Variants in GRIK1 observed in about 807,000 individuals in gnomAD.
The protein encoded by GRIK1 is glutamate receptor ionotropic, kainate 1.
GRIK1 carries 69 observed loss-of-function variants against 105.7 expected under a neutral mutation model. The ratio of observed to expected loss-of-function variants is 0.65; its 90% CI spans 0.54 to 0.80. The LOEUF (loss-of-function observed/expected upper bound fraction) is 0.80, where lower values mean the gene tolerates loss of function less well. Ranked by LOEUF, GRIK1 falls within the 30% of genes least tolerant of loss-of-function variation. The pLI is 0.00. For synonymous variants in GRIK1, 438 were observed against 431.3 expected (o/e 1.02, Z -0.19); for missense variants, 1,109 against 1,167.3 (o/e 0.95, Z 0.73).
intron 1 of GRIK1, among the ~76,000 whole-genome samples, chr21:29,825,022 G>A (rs905159501): frequency 2.1e-4 from 32 of 152,078 alleles, no homozygotes; most frequent in African/African-American, 3.1e-4. Context: ...ATAGGAAAAT[G>A]TTTAATATAT....
intron 3 of GRIK1, among the ~76,000 whole-genome samples, chr21:29,681,156 T>C (rs2063367028): frequency 6.6e-6 from 1 of 152,124 alleles, no homozygotes; most frequent in African/African-American, 2.4e-5. Flanking sequence ...AAGAAAAAAG[T>C]AAACATAGTA....
intron 14 of GRIK1, among the ~76,000 whole-genome samples, chr21:29,563,747 AG>A (rs1477907515): frequency 6.6e-6 from 1 of 152,322 alleles, no homozygotes; most frequent in African/African-American, 2.4e-5. Context: ...TTTTCTTTGA[AG>A]TATAAAATTT....
intron 1 of GRIK1, among the ~76,000 whole-genome samples, chr21:29,902,677 A>G (rs1601996084): frequency 6.6e-6 from 1 of 152,234 alleles, no homozygotes; most frequent in South Asian, 2.1e-4. Context: ...TTCCATGCTC[A>G]TGGATAGGAA....
intron 1 of GRIK1, among the ~76,000 whole-genome samples, chr21:29,697,044 C>T (rs1021861852): frequency 1.3e-5 from 2 of 152,170 alleles, no homozygotes; most frequent in Non-Finnish European, 2.9e-5. Flanking sequence ...TTACACATTA[C>T]ATCCTGCTTA....
chr21:29,554,222 T>A (rs1483854307), intron 16 of GRIK1, among the ~76,000 whole-genome samples: 1 of 152,198 alleles, frequency 6.6e-6, no homozygotes, highest in Admixed American at 6.5e-5. Context: ...GGCTCTGTCA[T>A]TAATAGTCAT....
intron 1 of GRIK1, among the ~76,000 whole-genome samples, chr21:29,778,729 G>A (rs771363389): frequency 9.2e-5 from 14 of 152,038 alleles, no homozygotes; most frequent in Non-Finnish European, 1.2e-4. Context: ...CTAGTTTTTC[G>A]GGTCAGTTAC....
At chr21:29,616,697 C>T (rs918204784) in intron 7 of GRIK1, among the ~76,000 whole-genome samples, 2 of 152,150 alleles carry the variant, frequency 1.3e-5, no homozygotes, top group Non-Finnish European at 2.9e-5. Context: ...CATGAAACCG[C>T]CTCAAAACTA....
At chr21:29,693,205 A>G (rs1432061082) in intron 2 of GRIK1, among the ~76,000 whole-genome samples, 1 of 152,208 alleles carries the variant, frequency 6.6e-6, no homozygotes, top group Non-Finnish European at 1.5e-5. Flanking sequence ...GCCAACCCTC[A>G]ACTATGTGAT....
intron 1 of GRIK1, among the ~76,000 whole-genome samples, chr21:29,846,616 C>T (rs1480585440): frequency 6.6e-6 from 1 of 152,116 alleles, no homozygotes; most frequent in African/African-American, 2.4e-5. Flanking sequence ...CTTATATATT[C>T]CTCCTTTACT....
chr21:29,873,968 A>C (rs535098563), intron 1 of GRIK1, among the ~76,000 whole-genome samples: 1 of 152,330 alleles, frequency 6.6e-6, no homozygotes, highest in East Asian at 1.9e-4. Context: ...CGCACAACCC[A>C]GATCCCTCAC....
chr21:29,636,166 C>T (rs555998249), intron 7 of GRIK1, among the ~76,000 whole-genome samples: 9 of 152,222 alleles, frequency 5.9e-5, no homozygotes, highest in South Asian at 2.1e-4. Context: ...ATCCCCCCTC[C>T]GTCATGTCAC....
chr21:29,646,604 T>A (rs2062625475), intron 6 of GRIK1, among the ~76,000 whole-genome samples: 1 of 152,146 alleles, frequency 6.6e-6, no homozygotes, highest in African/African-American at 2.4e-5. Context: ...CGACACTATA[T>A]GGCCTTAGAA....
chr21:29,757,790 C>T (rs1428812364), intron 1 of GRIK1, among the ~76,000 whole-genome samples: 1 of 152,158 alleles, frequency 6.6e-6, no homozygotes, highest in Non-Finnish European at 1.5e-5. Flanking sequence ...GAATTTTTAG[C>T]AACATTCCTG....
chr21:29,579,965 GTATA>G (rs58814385), intron 13 of GRIK1, among the ~76,000 whole-genome samples: 1 of 143,148 alleles, frequency 7.0e-6, no homozygotes, highest in African/African-American at 2.7e-5. Flanking sequence ...ATGTGTGTGT[GTATA>G]TATATATATA....
At chr21:29,566,494 A>G (rs2090613364) in intron 14 of GRIK1, among the ~76,000 whole-genome samples, 2 of 152,236 alleles carry the variant, frequency 1.3e-5, no homozygotes, top group South Asian at 4.1e-4. Context: ...GGCAAAGAAT[A>G]GCATTTTTCA....
chr21:29,583,039 G>A (rs556451751), intron 12 of GRIK1, among the ~76,000 whole-genome samples: 32 of 152,162 alleles, frequency 2.1e-4, no homozygotes, highest in African/African-American at 6.5e-4. Flanking sequence ...GACACCTTCC[G>A]GAAAGTGTTC....
chr21:29,913,583 G>C (rs1321018453), intron 1 of GRIK1, among the ~76,000 whole-genome samples: 2 of 151,450 alleles, frequency 1.3e-5, no homozygotes, highest in African/African-American at 4.8e-5. Flanking sequence ...AATAGGATAT[G>C]AGTATCCTTA....
At chr21:29,783,648 A>C (rs466589) in intron 1 of GRIK1, among the ~76,000 whole-genome samples, 23,465 of 152,052 alleles carry the variant, frequency 0.15, 1,788 homozygotes, top group Non-Finnish European at 0.16. Context: ...ATATTTTTCC[A>C]GCCCCTTTTA....
At chr21:29,666,574 C>T (rs2063063253) in intron 4 of GRIK1, among the ~76,000 whole-genome samples, 1 of 151,962 alleles carries the variant, frequency 6.6e-6, no homozygotes, top group South Asian at 2.1e-4. Context: ...TTGTTGCTTC[C>T]ACTGTTGTAT....
Sources: allele counts gnomAD v4.1 joint callset (sites outside exome capture counted in the v4.1 genomes callset), GRCh38; gene constraint gnomAD v4.1.1; transcripts MANE v1.5; gene names NCBI Gene and HGNC (gene_info 2026-07-23, HGNC 2026-07-21).